ASB18: variants seen among roughly 807,000 people sequenced by gnomAD.
ASB18 encodes the protein ankyrin repeat and SOCS box containing 18.
A neutral mutation model predicts 33.4 loss-of-function variants in ASB18; 33 were observed. The observed-to-expected ratio is 0.99, with a 90% CI of 0.75 to 1.32. The LOEUF is 1.32. Among genes scored for constraint, ASB18 ranks in the 40% most tolerant of loss-of-function variants. ASB18 has a pLI of 0.00. For missense variants in ASB18, 694 were observed against 655.5 expected (o/e 1.06, Z -0.64); for synonymous variants, 295 against 307.6 (o/e 0.96, Z 0.43).
chr2:236,195,381 TCC>T lies in ASB18; in HGVS notation c.1216-326_1216-325del, dbSNP rs962623571. On this transcript the variant is annotated intron_variant, in intron 5 of 5. Coordinates refer to ENST00000409749, the MANE Select transcript of ASB18 (RefSeq NM_212556.4). The surrounding 1 kb of genome is among the most constrained non-coding windows in gnomAD (Gnocchi z 5.5). ...CAGCTCCGGGGTGGCCCTGTTCATC[TCC>T]CCAAGTCATGACCAGCTCTTCCCTT... 1.9e-4 allele frequency among the ~76,000 whole-genome samples: 29 copies of T among 152,096 alleles called. No homozygotes were observed. Among genetic ancestry groups the T allele is most frequent in the African/African-American group, 6.8e-4 (28 of 41,476 alleles).
At position 236,223,213 on chromosome 2, in the gene ASB18, G is replaced by A. The variant is rs564798825; in HGVS notation, c.597-8347C>T. ...CTTTTTTTCTTATAACTTTCACAGT[G>A]TCAAGTATTTCTTTATAGCAGTGCA... On this transcript the variant is annotated intron_variant, in intron 3 of 5. Transcript: ENST00000409749. The surrounding 1 kb of genome is among the most constrained non-coding windows in gnomAD (Gnocchi z 4.6). 7.2e-5 allele frequency among the ~76,000 whole-genome samples: 11 copies of A among 152,308 alleles called. No individual in the cohort carries two copies. Among genetic ancestry groups the A allele is most frequent in the Admixed American group, 2.0e-4 (3 of 15,302 alleles).
In ASB18 at chr2:236,225,860, G is replaced by T. The variant is rs1401914948; in HGVS notation, c.597-10994C>A. Reference sequence around the variant, plus strand: ...GGTTTTAAAGTCCTGTGCCCATGGCGAATTGCCAACTAAAAGGGGATGGAG... The same window carrying T: ...GGTTTTAAAGTCCTGTGCCCATGGCTAATTGCCAACTAAAAGGGGATGGAG... On this transcript the variant is annotated intron_variant, in intron 3 of 5. Coordinates refer to ENST00000409749, the MANE Select transcript of ASB18 (RefSeq NM_212556.4). This position sits in a 1 kb window ranked among gnomAD's most constrained non-coding sequence, Gnocchi z 5.1. Among the ~76,000 whole-genome samples, 1 of 151,936 alleles carries T rather than the reference G, an allele frequency of 6.6e-6. No individual in the cohort carries two copies. Among genetic ancestry groups the T allele is most frequent in the Non-Finnish European group, 1.5e-5 (1 of 68,022 alleles).
Position 236,255,742 on chromosome 2 carries a change from T to C in ASB18, c.205+8399A>G, listed in dbSNP as rs1015657557. ...TAAGTGTAAACACCTGTGCCTAGAATGTGTAGCCTCAAACAATATCGTCCC... is the reference window on the plus strand; with the variant it reads ...TAAGTGTAAACACCTGTGCCTAGAACGTGTAGCCTCAAACAATATCGTCCC... On this transcript the variant is annotated intron_variant, in intron 1 of 5. Transcript: ENST00000409749. This position sits in a 1 kb window ranked among gnomAD's most constrained non-coding sequence, Gnocchi z 4.4. 5.9e-5 allele frequency among the ~76,000 whole-genome samples: 9 copies of C among 152,226 alleles called. No homozygotes were observed. Among genetic ancestry groups the C allele is most frequent in the African/African-American group, 2.2e-4 (9 of 41,460 alleles).
At position 236,214,421 on chromosome 2, in the gene ASB18, T is replaced by C. The variant is rs1325083709; in HGVS notation, c.1042A>G (p.Thr348Ala). The C allele has an allele frequency of 2.6e-6, 4 of 1,562,800 alleles. No individual in the cohort carries two copies. Among genetic ancestry groups the C allele is most frequent in the East Asian group, 2.4e-5 (1 of 42,388 alleles). The change falls in exon 4 of 6, where the codon ACG becomes GCG. Residue 348 changes from threonine (T) to alanine (A), a missense_variant. Physicochemically the swap from Thr to Ala is moderately conservative, Grantham distance 58. Transcript: ENST00000409749. The surrounding 1 kb of genome is among the most constrained non-coding windows in gnomAD (Gnocchi z 6.5). ...CCGTGGTTGAGCAGCGCCTGCACCG[T>C]GCGCTGCGGTGAGGCCTGGAGAGCG... ...SCALQASPQR[T>A]VQALLNHGSP...
In ASB18 at chr2:236,263,122, T is replaced by C. The variant is rs2060727600; in HGVS notation, c.205+1019A>G. ...CCCTTAGAGGCCAAGACTAACCTTG[T>C]CCCCTAATCTGACAAGCTGGGAAAC... On this transcript the variant is annotated intron_variant, in intron 1 of 5. Transcript: ENST00000409749. The surrounding 1 kb of genome is among the most constrained non-coding windows in gnomAD (Gnocchi z 4.0). 6.6e-6 allele frequency among the ~76,000 whole-genome samples: 1 copy of C among 152,176 alleles called. No homozygotes were observed. Among genetic ancestry groups the C allele is most frequent in the South Asian group, 2.1e-4 (1 of 4,832 alleles).
At position 236,213,976 on chromosome 2, in the gene ASB18, C is replaced by T. The variant is rs1047778876; in HGVS notation, c.1101+386G>A. 13 of 201,144 alleles carry T rather than the reference C, an allele frequency of 6.5e-5. No homozygotes were observed. In the East Asian group the frequency reaches 1.7e-3, roughly 26 times the overall value. 12.5% of individuals were successfully genotyped at this position (201,144 alleles called of 1,614,324 possible). ...GATTTTCATCGTTCTGAAAATGACACTGATGATGAGCTGCCAAAATATTTT... is the reference window on the plus strand; with the variant it reads ...GATTTTCATCGTTCTGAAAATGACATTGATGATGAGCTGCCAAAATATTTT... On this transcript the variant is annotated intron_variant, in intron 4 of 5. Transcript: ENST00000409749. The surrounding 1 kb of genome is among the most constrained non-coding windows in gnomAD (Gnocchi z 4.8).
intron 1 of ASB18, among the ~76,000 whole-genome samples, chr2:236,258,020 A>T (rs992928334): frequency 6.6e-6 from 1 of 152,214 alleles, no homozygotes; most frequent in African/African-American, 2.4e-5. Flanking sequence ...CAGTTTGAAC[A>T]TACCCTGATT....
At position 236,263,960 on chromosome 2, in the gene ASB18, C is replaced by T. The variant is rs374210675; in HGVS notation, c.205+181G>A. 2.2e-4 allele frequency among the ~76,000 whole-genome samples: 34 copies of T among 152,264 alleles called. No individual in the cohort carries two copies. In the South Asian group the frequency reaches 3.1e-3, roughly 14 times the overall value. On this transcript the variant is annotated intron_variant, in intron 1 of 5. Coordinates refer to ENST00000409749, the MANE Select transcript of ASB18 (RefSeq NM_212556.4). The surrounding 1 kb of genome is among the most constrained non-coding windows in gnomAD (Gnocchi z 4.0). ...GTTGTGTTGCACTTGTTGCTTATGTCGCACACGCATGTACATGGTCTATGC... is the reference window on the plus strand; with the variant it reads ...GTTGTGTTGCACTTGTTGCTTATGTTGCACACGCATGTACATGGTCTATGC...
intron 3 of ASB18, among the ~76,000 whole-genome samples, chr2:236,236,762 C>G (rs751580777): frequency 1.4e-5 from 2 of 145,990 alleles, no homozygotes; most frequent in South Asian, 2.2e-4. Flanking sequence ...GGTGGAGAAG[C>G]AGCAAGGGCG....
At chr2:236,206,113 C>T (rs11887905) in intron 4 of ASB18, among the ~76,000 whole-genome samples, 26,103 of 151,090 alleles carry the variant, frequency 0.17, 2,257 homozygotes, top group South Asian at 0.25. Context: ...TCCTAGGCTC[C>T]TTCTGCAGTA....
In ASB18 at chr2:236,213,979, A is replaced by G. The variant is rs2060470495; in HGVS notation, c.1101+383T>C. 9.8e-6 allele frequency: 2 copies of G among 203,914 alleles called. No individual in the cohort carries two copies. Among genetic ancestry groups the G allele is most frequent in the Admixed American group, 5.7e-5 (1 of 17,588 alleles). The allele number at this position is 203,914 out of a possible 1,614,324, so 12.6% of individuals were successfully genotyped here. A position where few individuals can be genotyped will look rare whatever the true frequency, so the allele number is the denominator to read the frequency against. ...TTTCATCGTTCTGAAAATGACACTG[A>G]TGATGAGCTGCCAAAATATTTTGAG... is the stretch of plus-strand genomic sequence containing the variant. On this transcript the variant is annotated intron_variant, in intron 4 of 5. Transcript: ENST00000409749. The surrounding 1 kb of genome is among the most constrained non-coding windows in gnomAD (Gnocchi z 4.8).
Position 236,196,399 on chromosome 2 carries a change from G to A in ASB18, c.1102-14C>T, listed in dbSNP as rs776493179. ...GGTCTTCAGCACCTGGTGGGAAGAG[G>A]TGAAAGACGCAGCGTAGGCCGACTG... On this transcript the variant is annotated splice_polypyrimidine_tract_variant and intron_variant, in intron 4 of 5. Transcript: ENST00000409749. The surrounding 1 kb of genome is among the most constrained non-coding windows in gnomAD (Gnocchi z 5.6). The A allele has an allele frequency of 1.9e-5, 28 of 1,501,530 alleles. No homozygotes were observed. The South Asian group carries it at 3.2e-4, about 17-fold the overall frequency. 93.0% of individuals were successfully genotyped at this position (1,501,530 alleles called of 1,614,324 possible). A position where few individuals can be genotyped will look rare whatever the true frequency, so the allele number is the denominator to read the frequency against.
At chr2:236,224,090 T>C (rs1323979147) in intron 3 of ASB18, among the ~76,000 whole-genome samples, 1 of 151,698 alleles carries the variant, frequency 6.6e-6, no homozygotes, top group Admixed American at 6.6e-5. Flanking sequence ...TGTAAGAAAC[T>C]GCCAGTTTTC....
Position 236,208,997 on chromosome 2 carries a change from C to G in ASB18, c.1101+5365G>C, listed in dbSNP as rs1477681942. Among the ~76,000 whole-genome samples, 4 of 152,126 alleles carry G rather than the reference C, an allele frequency of 2.6e-5. No homozygotes were observed. Among genetic ancestry groups the G allele is most frequent in the East Asian group, 1.9e-4 (1 of 5,174 alleles). Reference sequence around the variant, plus strand: ...AAATAAAACGACAGCAAGAAAAACACAGGCGCCCTACTTATGATCTCCCCT... The same window carrying G: ...AAATAAAACGACAGCAAGAAAAACAGAGGCGCCCTACTTATGATCTCCCCT... On this transcript the variant is annotated intron_variant, in intron 4 of 5. Coordinates refer to ENST00000409749, the MANE Select transcript of ASB18 (RefSeq NM_212556.4). This position sits in a 1 kb window ranked among gnomAD's most constrained non-coding sequence, Gnocchi z 7.7.
rs2060578712 is a variant in ASB18 at position 236,234,133 on chromosome 2, C to T, written c.596+3556G>A. ...TGACCCTGCACATATCCACATAGGC[C>T]ACAAAGCAAAACTGGAACCACTACT... On this transcript the variant is annotated intron_variant, in intron 3 of 5. Coordinates refer to ENST00000409749, the MANE Select transcript of ASB18 (RefSeq NM_212556.4). This position sits in a 1 kb window ranked among gnomAD's most constrained non-coding sequence, Gnocchi z 4.1. 6.6e-6 allele frequency among the ~76,000 whole-genome samples: 1 copy of T among 152,308 alleles called. No individual in the cohort carries two copies. The highest frequency in any genetic ancestry group is 1.9e-4 in the East Asian group (1 of 5,180).
chr2:236,218,127 C>A (rs1230398528), intron 3 of ASB18, among the ~76,000 whole-genome samples: 1 of 152,192 alleles, frequency 6.6e-6, no homozygotes, highest in African/African-American at 2.4e-5. Context: ...ACGTGCACAG[C>A]CTAGCTGGCT....
In ASB18 at chr2:236,259,531, G is replaced by A. The variant is rs2060708609; in HGVS notation, c.205+4610C>T. 4.2e-6 allele frequency: 2 copies of A among 471,174 alleles called. No individual in the cohort carries two copies. The highest frequency in any genetic ancestry group is 3.1e-5 in the South Asian group (2 of 64,552). The allele number at this position is 471,174 out of a possible 1,614,324, so 29.2% of individuals were successfully genotyped here. A position where few individuals can be genotyped will look rare whatever the true frequency, so the allele number is the denominator to read the frequency against. ...GGGAGGATGCACGATTTCTGTCCCA[G>A]TGGGAAGGGATGGCCTTCCAGTGGA... On this transcript the variant is annotated intron_variant, in intron 1 of 5. Coordinates refer to ENST00000409749, the MANE Select transcript of ASB18 (RefSeq NM_212556.4). This position sits in a 1 kb window ranked among gnomAD's most constrained non-coding sequence, Gnocchi z 4.4.
rs2060689771 is a variant in ASB18, at chr2:236,255,911, A to T, written c.205+8230T>A. On this transcript the variant is annotated intron_variant, in intron 1 of 5. Coordinates refer to ENST00000409749, the MANE Select transcript of ASB18 (RefSeq NM_212556.4). The surrounding 1 kb of genome is among the most constrained non-coding windows in gnomAD (Gnocchi z 4.4). ...CTTTATCTGGGCTTCCTTCCTTTGG[A>T]TCACAGCCTCCCAGGAACATGCTCC... 6.6e-6 allele frequency among the ~76,000 whole-genome samples: 1 copy of T among 152,094 alleles called. No homozygotes were observed. The highest frequency in any genetic ancestry group is 2.4e-5 in the African/African-American group (1 of 41,400).
rs2060457154 is a variant in ASB18, at chr2:236,211,149, CTG to C, written c.1101+3211_1101+3212del. Among the ~76,000 whole-genome samples the C allele has an allele frequency of 1.3e-5, 2 of 152,340 alleles. No homozygotes were observed. The highest frequency in any genetic ancestry group is 1.3e-4 in the Admixed American group (2 of 15,300). On this transcript the variant is annotated intron_variant, in intron 4 of 5. Transcript: ENST00000409749. The surrounding 1 kb of genome is among the most constrained non-coding windows in gnomAD (Gnocchi z 5.0). ...ATGCCAAACAAGTTCAGGTCCACGT[CTG>C]TGTGTGCTTCTCTGCCTTCCTACCT...
Sources: allele counts gnomAD v4.1 joint callset (sites outside exome capture counted in the v4.1 genomes callset), GRCh38; gene constraint gnomAD v4.1.1; non-coding constraint Gnocchi (gnomAD v3.1); transcripts MANE v1.5; gene names NCBI Gene and HGNC (gene_info 2026-07-23, HGNC 2026-07-21).